The following TRMT11 variants were observed in gnomAD, a reference collection of about 807,000 sequenced individuals.
TRMT11 encodes tRNA (guanine(10)-N(2))-methyltransferase TRMT11.
A neutral mutation model predicts 62.8 loss-of-function variants in TRMT11; 53 were observed. The observed-to-expected ratio is 0.84, with a 90% CI of 0.68 to 1.06. The LOEUF is 1.06. Among genes scored for constraint, TRMT11 ranks in the 50% least tolerant of loss-of-function variants. The pLI, the probability that TRMT11 is intolerant of heterozygous loss-of-function variation, is 0.00. For missense variants in TRMT11, 556 were observed against 553.4 expected, an observed-to-expected ratio of 1.00 and a Z score of -0.05; for synonymous variants, 188 against 190.3, an observed-to-expected ratio of 0.99 and a Z score of 0.10.
chr6:126,263,378 CATATAAAT>C, the TRMT11 span, among the ~76,000 whole-genome samples: 1 of 152,136 alleles, frequency 6.6e-6, no homozygotes, highest in South Asian at 2.1e-4. Context: ...AATTGGCAAA[CATATAAAT>C]ATATCACTAA....
chr6:126,137,445 A>T (rs1382605877), intron 21 of TRMT11, among the ~76,000 whole-genome samples: 2 of 151,860 alleles, frequency 1.3e-5, no homozygotes, highest in Non-Finnish European at 2.9e-5. Flanking sequence ...ATCAGATATT[A>T]TCTGATTGGC....
At chr6:126,035,619 T>C (rs1775042073) in intron 12 of TRMT11, among the ~76,000 whole-genome samples, 1 of 152,090 alleles carries the variant, frequency 6.6e-6, no homozygotes, top group Admixed American at 6.6e-5. Flanking sequence ...TGCCACCGTG[T>C]CCCCATAGCA....
chr6:126,243,342 G>C, the TRMT11 span, among the ~76,000 whole-genome samples: 9 of 152,174 alleles, frequency 5.9e-5, no homozygotes, highest in Non-Finnish European at 1.3e-4. Context: ...TGGTGGGACT[G>C]TAAACTAGTT....
intron 17 of TRMT11, among the ~76,000 whole-genome samples, chr6:126,087,373 G>A (rs565979854): frequency 6.6e-5 from 10 of 152,304 alleles, no homozygotes; most frequent in South Asian, 4.1e-4. Context: ...TTTAAAGTAA[G>A]TACTGCCAAC....
intron 21 of TRMT11, among the ~76,000 whole-genome samples, chr6:126,148,470 G>T (rs1778000564): frequency 6.6e-6 from 1 of 152,168 alleles, no homozygotes; most frequent in African/African-American, 2.4e-5. Context: ...GCATCACTTA[G>T]AAGGATTTTA....
chr6:126,123,425 G>A (rs562524875), intron 21 of TRMT11, among the ~76,000 whole-genome samples: 10 of 152,150 alleles, frequency 6.6e-5, no homozygotes, highest in South Asian at 4.1e-4. Context: ...GATAAGGAGC[G>A]TCCTGTGAGT....
the TRMT11 span, among the ~76,000 whole-genome samples, chr6:126,255,662 T>C: frequency 6.6e-6 from 1 of 152,218 alleles, no homozygotes; most frequent in Admixed American, 6.5e-5. Context: ...TGACTTTCCC[T>C]TTCCTGATGC....
At chr6:126,072,024 C>T (rs1371050814) in intron 17 of TRMT11, among the ~76,000 whole-genome samples, 1 of 152,144 alleles carries the variant, frequency 6.6e-6, no homozygotes, top group East Asian at 1.9e-4. Context: ...GAGCTCAGTG[C>T]TAACTAGCTG....
At chr6:126,146,879 T>TGGGTAGA in intron 21 of TRMT11, among the ~76,000 whole-genome samples, 1 of 38,622 alleles carries the variant, frequency 2.6e-5, no homozygotes, top group African/African-American at 1.2e-4. Flanking sequence ...ATTACTAAAT[T>TGGGTAGA]ATTTATATTG....
chr6:126,173,386 C>A (rs968433776), upstream of TRMT11, among the ~76,000 whole-genome samples: 24 of 152,144 alleles, frequency 1.6e-4, no homozygotes, highest in African/African-American at 5.8e-4. Context: ...CCTCATTCAC[C>A]CTCACATAGC....
intron 21 of TRMT11, among the ~76,000 whole-genome samples, chr6:126,143,132 C>T (rs942474533): frequency 6.6e-6 from 1 of 152,006 alleles, no homozygotes; most frequent in Non-Finnish European, 1.5e-5. Flanking sequence ...TCATGTTTCA[C>T]CACATGTATC....
the TRMT11 span, among the ~76,000 whole-genome samples, chr6:126,210,415 A>G: frequency 6.6e-6 from 1 of 152,228 alleles, no homozygotes; most frequent in Non-Finnish European, 1.5e-5. Flanking sequence ...GTTGTAGATT[A>G]GATTGAAGTT....
chr6:125,988,156 G>A (rs1335403513), intron 1 of TRMT11, among the ~76,000 whole-genome samples: 1 of 152,210 alleles, frequency 6.6e-6, no homozygotes, highest in Non-Finnish European at 1.5e-5. Flanking sequence ...GATAAATGTC[G>A]AATGCAGTTG....
At chr6:125,993,698 A>AGT in intron 1 of TRMT11, 59 bp from the exon 2 acceptor site, 1 of 1,109,760 alleles carries the variant, frequency 9.0e-7, no homozygotes, top group Non-Finnish European at 1.4e-6. Flanking sequence ...TGTCTCCCTT[A>AGT]GTACATTTTT....
the TRMT11 span, among the ~76,000 whole-genome samples, chr6:126,226,328 T>TA: frequency 1.3e-5 from 2 of 152,066 alleles, no homozygotes; most frequent in African/African-American, 4.8e-5. Flanking sequence ...TTTTTCAAAA[T>TA]AAAAAAATTC....
chr6:126,158,349 G>T (rs1778146011), intron 21 of TRMT11, among the ~76,000 whole-genome samples: 2 of 152,140 alleles, frequency 1.3e-5, no homozygotes, highest in African/African-American at 4.8e-5. Context: ...GTATAGTTTG[G>T]TATGTTCCTT....
At chr6:126,267,588 A>G in the TRMT11 span, among the ~76,000 whole-genome samples, 1 of 152,188 alleles carries the variant, frequency 6.6e-6, no homozygotes, top group African/African-American at 2.4e-5. Context: ...ACTCTGCTAA[A>G]TTTACCATAG....
the TRMT11 span, among the ~76,000 whole-genome samples, chr6:126,255,074 A>G: frequency 6.6e-6 from 1 of 152,146 alleles, no homozygotes; most frequent in Non-Finnish European, 1.5e-5. Context: ...TCTTCTTTGT[A>G]TATAACCTTA....
intron 17 of TRMT11, among the ~76,000 whole-genome samples, chr6:126,071,100 A>G (rs1475011881): frequency 6.6e-6 from 1 of 152,174 alleles, no homozygotes; most frequent in Admixed American, 6.6e-5. Context: ...AACTCTGATC[A>G]GTTCTTTCCT....
Sources: allele counts gnomAD v4.1 joint callset (sites outside exome capture counted in the v4.1 genomes callset), GRCh38; gene constraint gnomAD v4.1.1; transcripts MANE v1.5; gene names NCBI Gene and HGNC (gene_info 2026-07-23, HGNC 2026-07-21).